SH3GL2: variants seen among roughly 807,000 people sequenced by gnomAD.
The protein encoded by SH3GL2 is endophilin-A1.
SH3GL2 carries 24 observed loss-of-function variants against 46.0 expected under a neutral mutation model. The ratio of observed to expected loss-of-function variants is 0.52; its 90% CI spans 0.38 to 0.73. The LOEUF (loss-of-function observed/expected upper bound fraction) is 0.73, where lower values mean the gene tolerates loss of function less well. SH3GL2 is among the 30% of genes least tolerant of loss of function. SH3GL2 has a pLI of 0.00. For missense variants in SH3GL2, 413 were observed against 424.2 expected, an observed-to-expected ratio of 0.97 and a Z score of 0.23; for synonymous variants, 196 against 147.1, an observed-to-expected ratio of 1.33 and a Z score of -2.40.
chr9:17,598,085 A>T (rs2134558270), intron 1 of SH3GL2, among the ~76,000 whole-genome samples: 1 of 152,348 alleles, frequency 6.6e-6, no homozygotes, highest in East Asian at 1.9e-4. Flanking sequence ...TCTCACGTGG[A>T]GGTCATACCT....
At chr9:17,627,444 G>A (rs2134616386) in intron 1 of SH3GL2, among the ~76,000 whole-genome samples, 1 of 152,262 alleles carries the variant, frequency 6.6e-6, no homozygotes, top group Admixed American at 6.5e-5. Flanking sequence ...GCCTGAAACT[G>A]TGACCTTCTT....
chr9:17,746,163 C>G (rs5014599), intron 1 of SH3GL2, among the ~76,000 whole-genome samples: 17,062 of 140,546 alleles, frequency 0.12, 1,152 homozygotes, highest in Admixed American at 0.23. Context: ...CAGGCTCCGC[C>G]CCGCTGTGTT....
At chr9:17,715,706 A>C (rs895076378) in intron 1 of SH3GL2, among the ~76,000 whole-genome samples, 1 of 151,824 alleles carries the variant, frequency 6.6e-6, no homozygotes, top group Admixed American at 6.6e-5. Flanking sequence ...CTCAACTCAT[A>C]ATGGGCATCG....
intron 2 of SH3GL2, among the ~76,000 whole-genome samples, chr9:17,749,496 T>C (rs895680529): frequency 6.6e-6 from 1 of 152,172 alleles, no homozygotes; most frequent in Admixed American, 6.5e-5. Flanking sequence ...GTGGCCAATG[T>C]CATGTCATTA....
intron 1 of SH3GL2, among the ~76,000 whole-genome samples, chr9:17,651,221 A>G (rs1819951221): frequency 6.6e-6 from 1 of 151,938 alleles, no homozygotes; most frequent in South Asian, 2.1e-4. Flanking sequence ...GTATATTTTT[A>G]GATTTACTTT....
In SH3GL2 at chr9:17,761,910, C is replaced by A. The variant is rs531652734; in HGVS notation, c.187+401C>A. ...AAAAAGTAGGGAGGTGAATCGTTTT[C>A]ATGAAACACAGAGGGTTTCTTCATA... On this transcript the variant is annotated intron_variant, in intron 3 of 8. Transcript: ENST00000380607. Among the ~76,000 whole-genome samples, 3 of 152,250 alleles carry A rather than the reference C, an allele frequency of 2.0e-5. No homozygotes were observed. In the East Asian group the frequency reaches 5.8e-4, roughly 29 times the overall value.
At chr9:17,765,631 T>C (rs932031111) in intron 3 of SH3GL2, among the ~76,000 whole-genome samples, 9 of 152,228 alleles carry the variant, frequency 5.9e-5, no homozygotes, top group Admixed American at 2.0e-4. Flanking sequence ...CAGCCTGCCC[T>C]TTCCCCAACA....
chr9:17,733,349 A>C (rs1049110399), intron 1 of SH3GL2, among the ~76,000 whole-genome samples: 2 of 151,980 alleles, frequency 1.3e-5, no homozygotes, highest in Admixed American at 1.3e-4. Context: ...ATATGTATAC[A>C]TGTGACATGC....
At chr9:17,738,676 A>AGAGAGAGAGAGAGAG (rs1554645350) in intron 1 of SH3GL2, among the ~76,000 whole-genome samples, 1 of 147,374 alleles carries the variant, frequency 6.8e-6, no homozygotes, top group Non-Finnish European at 1.5e-5. Flanking sequence ...AGAGAGAGAT[A>AGAGAGAGAGAGAGAG]ATTTTATTTC....
At chr9:17,599,644 T>C (rs1297067665) in intron 1 of SH3GL2, among the ~76,000 whole-genome samples, 2 of 152,218 alleles carry the variant, frequency 1.3e-5, no homozygotes, top group African/African-American at 4.8e-5. Flanking sequence ...GTGATCTACA[T>C]TCACATGGAA....
At chr9:17,759,840 T>A (rs1273404858) in intron 2 of SH3GL2, among the ~76,000 whole-genome samples, 3 of 152,212 alleles carry the variant, frequency 2.0e-5, no homozygotes, top group Admixed American at 2.0e-4. Context: ...ACAGGATATT[T>A]AGACACATTT....
At chr9:17,734,017 G>T (rs1317369435) in intron 1 of SH3GL2, among the ~76,000 whole-genome samples, 1 of 151,934 alleles carries the variant, frequency 6.6e-6, no homozygotes, top group Non-Finnish European at 1.5e-5. Flanking sequence ...GAGTTGATTT[G>T]ATAAGAAAAC....
At position 17,789,445 on chromosome 9, in the gene SH3GL2, A is replaced by G. The variant is rs1414583914; in HGVS notation, c.519A>G (p.Lys173=). 1.2e-6 allele frequency: 2 copies of G among 1,613,544 alleles called. No homozygotes were observed. Among genetic ancestry groups the G allele is most frequent in the Admixed American group, 1.7e-5 (1 of 59,944 alleles). The change falls in exon 6 of 9, where the codon AAA becomes AAG. Residue 173 remains lysine (K), a synonymous_variant. Coordinates refer to ENST00000380607, the MANE Select transcript of SH3GL2 (RefSeq NM_003026.5). ...GRRLDFDYKK[K]RQGKIPDEEL... ...GCCTGGATTTTGATTATAAGAAGAA[A>G]CGACAAGGCAAGATTCCGGATGAAG...
intron 1 of SH3GL2, among the ~76,000 whole-genome samples, chr9:17,729,857 C>T (rs772533146): frequency 1.1e-4 from 17 of 152,164 alleles, no homozygotes; most frequent in Non-Finnish European, 2.2e-4. Context: ...GTTTTGGTTA[C>T]GGTAGCCTTG....
intron 1 of SH3GL2, among the ~76,000 whole-genome samples, chr9:17,580,407 T>C (rs904194415): frequency 3.7e-4 from 56 of 152,180 alleles, no homozygotes; most frequent in African/African-American, 1.2e-3. Context: ...GGTTGTGTTT[T>C]ACAGAACCTT....
intron 1 of SH3GL2, among the ~76,000 whole-genome samples, chr9:17,738,487 C>T (rs1822407832): frequency 1.0e-5 from 1 of 98,632 alleles, no homozygotes; most frequent in Non-Finnish European, 2.5e-5. Flanking sequence ...TATGTATACA[C>T]ACACACATAT....
At chr9:17,611,633 A>T (rs1490184463) in intron 1 of SH3GL2, among the ~76,000 whole-genome samples, 1 of 152,198 alleles carries the variant, frequency 6.6e-6, no homozygotes, top group African/African-American at 2.4e-5. Context: ...TTTCATGAGA[A>T]GCCAGTGGAT....
At chr9:17,690,438 C>T (rs748327417) in intron 1 of SH3GL2, among the ~76,000 whole-genome samples, 17 of 152,038 alleles carry the variant, frequency 1.1e-4, no homozygotes, top group Non-Finnish European at 2.4e-4. Flanking sequence ...TCTTGGTTTC[C>T]CCCACATCAC....
intron 1 of SH3GL2, among the ~76,000 whole-genome samples, chr9:17,657,750 G>A (rs963998650): frequency 1.4e-4 from 21 of 152,126 alleles, no homozygotes; most frequent in African/African-American, 3.9e-4. Context: ...AATAATGGTT[G>A]TTCTTACAAA....
Sources: gnomAD v4.1 joint callset for allele counts (sites outside exome capture counted in the v4.1 genomes callset) on GRCh38, gnomAD v4.1.1 for gene constraint, MANE v1.5 for transcripts, NCBI Gene and HGNC (gene_info 2026-07-23, HGNC 2026-07-21) for gene names.